FBXO25: variants seen among roughly 807,000 people sequenced by gnomAD.
FBXO25 encodes the protein F-box only protein 25.
A neutral mutation model predicts 51.9 loss-of-function variants in FBXO25; 45 were observed. That is an observed-to-expected ratio of 0.87 (90% CI 0.68 to 1.11). The LOEUF is 1.11. Ranked by LOEUF, FBXO25 falls within the 50% of genes most tolerant of loss-of-function variation. The pLI is 0.00. For synonymous variants in FBXO25, 199 were observed against 151.0 expected (o/e 1.32, Z -2.33); for missense variants, 507 against 428.5 (o/e 1.18, Z -1.62).
chr8:448,074 A>T (rs1345924079), intron 5 of FBXO25, among the ~76,000 whole-genome samples: 1 of 152,228 alleles, frequency 6.6e-6, no homozygotes, highest in Admixed American at 6.5e-5. Context: ...CGTAATCATG[A>T]GTTTAAAAGG....
chr8:474,402 G>C lies in FBXO25; in HGVS notation c.*5598G>C, dbSNP rs1034239088. The C allele has an allele frequency of 7.2e-6, 2 of 277,840 alleles. No homozygotes were observed. The highest frequency in any genetic ancestry group is 1.4e-5 in the Non-Finnish European group (2 of 144,760). The allele number at this position is 277,840 out of a possible 1,614,324, so 17.2% of individuals were successfully genotyped here. ...TGTGAATATTGCTGCCGTAAACATG[G>C]GTGTGCAAATATCTGAGTCTCTGCT... On this transcript the variant is annotated 3_prime_UTR_variant, in exon 10 of 10. Coordinates refer to ENST00000350302, the MANE Select transcript of FBXO25 (RefSeq NM_183420.2).
chr8:440,497 T>C (rs1798361174), intron 5 of FBXO25, among the ~76,000 whole-genome samples: 1 of 152,182 alleles, frequency 6.6e-6, no homozygotes, highest in South Asian at 2.1e-4. Context: ...AAGAGCTTTT[T>C]CATTACGACT....
rs1249516770 is a variant in FBXO25 at position 469,724 on chromosome 8, GAA to G, written c.*923_*924del. The G allele has an allele frequency of 2.6e-5, 4 of 152,160 alleles. No individual in the cohort carries two copies. Among genetic ancestry groups the G allele is most frequent in the Admixed American group, 2.0e-4 (3 of 15,280 alleles). 9.4% of individuals were successfully genotyped at this position (152,160 alleles called of 1,614,324 possible). A position where few individuals can be genotyped will look rare whatever the true frequency, so the allele number is the denominator to read the frequency against. On this transcript the variant is annotated 3_prime_UTR_variant, in exon 10 of 10. Transcript: ENST00000350302. The stretch of plus-strand genomic sequence containing the variant: ...CCACCCAAAGATTATTGTGCATGCT[GAA>G]AAGAGTATGAAAAATCCCCTCAGCA...
chr8:412,844 G>A (rs1430819789), intron 1 of FBXO25, among the ~76,000 whole-genome samples: 1 of 152,114 alleles, frequency 6.6e-6, no homozygotes, highest in Non-Finnish European at 1.5e-5. Flanking sequence ...AACCTTTCAT[G>A]GGATACGCAG....
chr8:474,896 C>G lies in FBXO25; in HGVS notation c.*6092C>G, dbSNP rs1431582497. ...ATATCTAAGAAATCACTGCCTCACC[C>G]TTTTCAGATATATCATTTTAAAATA... On this transcript the variant is annotated 3_prime_UTR_variant, in exon 10 of 10. Coordinates refer to ENST00000350302, the MANE Select transcript of FBXO25 (RefSeq NM_183420.2). 2.2e-6 allele frequency: 1 copy of G among 455,474 alleles called. No individual in the cohort carries two copies. The highest frequency in any genetic ancestry group is 4.4e-6 in the Non-Finnish European group (1 of 226,898). 28.2% of individuals were successfully genotyped at this position (455,474 alleles called of 1,614,324 possible). A position where few individuals can be genotyped will look rare whatever the true frequency, so the allele number is the denominator to read the frequency against.
intron 5 of FBXO25, among the ~76,000 whole-genome samples, chr8:441,818 C>T (rs1430648910): frequency 6.6e-6 from 1 of 152,218 alleles, no homozygotes; most frequent in Admixed American, 6.5e-5. Flanking sequence ...CATACCATCT[C>T]ACACCAGTTA....
rs1763037668 is a variant in FBXO25 at position 468,895 on chromosome 8, C to T, written c.*91C>T. ...TGTTCTGTGAGGTGGGTGGAGACTC[C>T]TCGGAAGCCCCTGCTTCCAGAAAGC... On this transcript the variant is annotated 3_prime_UTR_variant, in exon 10 of 10. Coordinates refer to ENST00000350302, the MANE Select transcript of FBXO25 (RefSeq NM_183420.2). 1.7e-6 allele frequency: 2 copies of T among 1,202,324 alleles called. No homozygotes were observed. The highest frequency in any genetic ancestry group is 2.5e-5 in the Admixed American group (1 of 40,688). 74.5% of individuals were successfully genotyped at this position (1,202,324 alleles called of 1,614,324 possible).
chr8:464,311 A>T (rs1019859139), intron 9 of FBXO25, among the ~76,000 whole-genome samples: 1 of 150,762 alleles, frequency 6.6e-6, no homozygotes, highest in South Asian at 2.1e-4. Flanking sequence ...GTGTGTTTCC[A>T]TGGTTTGCCT....
chr8:451,559 C>T (rs1330865605), intron 7 of FBXO25, 106 bp downstream of exon 7: 2 of 1,064,530 alleles, frequency 1.9e-6, no homozygotes, highest in South Asian at 3.1e-5. Flanking sequence ...GAAAGATTTT[C>T]TAATGCTTTC....
intron 2 of FBXO25, among the ~76,000 whole-genome samples, chr8:427,855 C>G (rs1797588362): frequency 6.6e-6 from 1 of 151,426 alleles, no homozygotes; most frequent in Non-Finnish European, 1.5e-5. Context: ...CGTAGCCTGT[C>G]TTATTTTCCT....
At chr8:415,435 A>G (rs1029518509) in intron 2 of FBXO25, among the ~76,000 whole-genome samples, 7 of 152,224 alleles carry the variant, frequency 4.6e-5, no homozygotes. Flanking sequence ...AGGTTTAAAC[A>G]TAGTTTGATA....
Position 463,072 on chromosome 8 carries a change from TC to T in FBXO25, c.910del (p.Gln304ArgfsTer67). On this transcript the variant is annotated frameshift_variant, in exon 9 of 10. Coordinates refer to ENST00000350302, the MANE Select transcript of FBXO25 (RefSeq NM_183420.2). LOFTEE classifies it high-confidence loss of function. ...AATGGAAGTTGATGTACTTTGCACTTCAGAAACATTACCCAGCGAAGGAGCA... is the reference window on the plus strand; with the variant it reads ...AATGGAAGTTGATGTACTTTGCACTTAGAAACATTACCCAGCGAAGGAGCA... Reference protein sequence around the residue: ...IEWKLMYFALQKHYPAKEQYG... With the variant: ...IEWKLMYFALXKHYPAKEQYG... 1 of 1,614,014 alleles carries T rather than the reference TC, an allele frequency of 6.2e-7. No homozygotes were observed. The highest frequency in any genetic ancestry group is 1.1e-5 in the South Asian group (1 of 91,010).
intron 2 of FBXO25, among the ~76,000 whole-genome samples, chr8:419,431 A>T (rs1161499486): frequency 6.6e-6 from 1 of 152,246 alleles, no homozygotes; most frequent in Admixed American, 6.5e-5. Context: ...AGAGAGTGGT[A>T]TGTGGTACTG....
intron 8 of FBXO25, among the ~76,000 whole-genome samples, chr8:461,287 G>A (rs1799793007): frequency 6.6e-6 from 1 of 152,152 alleles, no homozygotes; most frequent in Admixed American, 6.5e-5. Flanking sequence ...ATTCTCCGCT[G>A]CCAATAAAAG....
intron 2 of FBXO25, among the ~76,000 whole-genome samples, chr8:413,644 C>T (rs879469333): frequency 2.0e-5 from 3 of 152,164 alleles, no homozygotes; most frequent in Non-Finnish European, 2.9e-5. Flanking sequence ...CACAGTCTGT[C>T]TTGTCGCTCT....
chr8:444,292 C>T (rs1798606636), intron 5 of FBXO25, among the ~76,000 whole-genome samples: 1 of 152,192 alleles, frequency 6.6e-6, no homozygotes, highest in Admixed American at 6.5e-5. Context: ...GTTGTTGTTT[C>T]TCTTTCTCTG....
intron 2 of FBXO25, among the ~76,000 whole-genome samples, chr8:423,663 G>A (rs1415943388): frequency 6.6e-6 from 1 of 152,130 alleles, no homozygotes; most frequent in Non-Finnish European, 1.5e-5. Flanking sequence ...ATGATGTATA[G>A]GTACCACATT....
chr8:448,343 A>G (rs1798862811), intron 5 of FBXO25, among the ~76,000 whole-genome samples: 1 of 152,230 alleles, frequency 6.6e-6, no homozygotes, highest in Non-Finnish European at 1.5e-5. Context: ...AAGATGAAGC[A>G]AGAACCTCCC....
intron 9 of FBXO25, among the ~76,000 whole-genome samples, chr8:465,946 A>C (rs569276885): frequency 6.6e-6 from 1 of 152,276 alleles, no homozygotes; most frequent in Non-Finnish European, 1.5e-5. Context: ...ATCATACTTG[A>C]TCATATCATG....
Sources: gnomAD v4.1 joint callset for allele counts (sites outside exome capture counted in the v4.1 genomes callset) on GRCh38, gnomAD v4.1.1 for gene constraint, MANE v1.5 for transcripts, NCBI Gene and HGNC (gene_info 2026-07-23, HGNC 2026-07-21) for gene names.